Variants in FAM168A observed in about 807,000 individuals in gnomAD.
FAM168A encodes the protein family with sequence similarity 168 member A, also known as protein FAM168A.
In FAM168A, 3 loss-of-function variants were observed where a neutral mutation model predicts 28.5. That is an observed-to-expected ratio of 0.11 (90% CI 0.05 to 0.27). FAM168A has a LOEUF of 0.27. FAM168A is among the 10% of genes least tolerant of loss of function. The pLI is 1.00. For synonymous variants in FAM168A, 122 were observed against 124.2 expected, an observed-to-expected ratio of 0.98 and a Z score of 0.12; for missense variants, 222 against 311.5, an observed-to-expected ratio of 0.71 and a Z score of 2.16.
intron 2 of FAM168A, among the ~76,000 whole-genome samples, chr11:73,453,640 AC>A (rs1219482353): frequency 1.3e-5 from 2 of 152,300 alleles, no homozygotes; most frequent in Non-Finnish European, 2.9e-5. Context: ...TATTATTCCT[AC>A]CTTTATAGGA....
At chr11:73,421,905 A>ATATG (rs1038752759) in intron 3 of FAM168A, among the ~76,000 whole-genome samples, 3 of 152,234 alleles carry the variant, frequency 2.0e-5, no homozygotes, top group Non-Finnish European at 2.9e-5. Flanking sequence ...CAAGTGGTAT[A>ATATG]TACTTTACCA....
At chr11:73,441,741 TTC>T (rs1459180163) in intron 2 of FAM168A, among the ~76,000 whole-genome samples, 2 of 152,228 alleles carry the variant, frequency 1.3e-5, no homozygotes, top group African/African-American at 2.4e-5. Flanking sequence ...TGTTGGCAGT[TTC>T]TTTCTTTCTA....
chr11:73,506,981 T>TA (rs1855128156), intron 1 of FAM168A, among the ~76,000 whole-genome samples: 1 of 152,202 alleles, frequency 6.6e-6, no homozygotes, highest in Admixed American at 6.5e-5. Flanking sequence ...TGTAGGTTTT[T>TA]AAAAAATCAC....
At chr11:73,482,474 G>A (rs995016052) in intron 1 of FAM168A, among the ~76,000 whole-genome samples, 1 of 151,700 alleles carries the variant, frequency 6.6e-6, no homozygotes, top group Non-Finnish European at 1.5e-5. Context: ...AGTCTTCCTG[G>A]GTATTTTAGA....
intron 2 of FAM168A, among the ~76,000 whole-genome samples, chr11:73,462,295 C>T (rs1013633375): frequency 6.6e-6 from 1 of 152,174 alleles, no homozygotes; most frequent in Non-Finnish European, 1.5e-5. Flanking sequence ...GAAATCCTGA[C>T]ACACGGATGA....
intron 1 of FAM168A, among the ~76,000 whole-genome samples, chr11:73,486,381 C>G (rs1290975567): frequency 6.6e-6 from 1 of 152,172 alleles, no homozygotes; most frequent in Non-Finnish European, 1.5e-5. Flanking sequence ...TCTTCCTACC[C>G]AGTCCCTGAT....
At chr11:73,588,760 C>G (rs1223432395) in intron 1 of FAM168A, among the ~76,000 whole-genome samples, 3 of 152,128 alleles carry the variant, frequency 2.0e-5, no homozygotes, top group Admixed American at 2.0e-4. Context: ...AATTGAAGCC[C>G]TATTCCTCAA....
rs1364698997 is a variant in FAM168A, at chr11:73,420,815, CAA to C, written c.152-818_152-817del. On this transcript the variant is annotated intron_variant, in intron 3 of 7. Coordinates refer to ENST00000356467, the MANE Select transcript of FAM168A (RefSeq NM_015159.3). The stretch of plus-strand genomic sequence containing the variant: ...TCTGCAAAGACTTCCCAGGCTGACT[CAA>C]AGCTCAGCTCGAGACATCTGAAGGA... 4.6e-5 allele frequency: 7 copies of C among 152,628 alleles called. No individual in the cohort carries two copies. The East Asian group carries it at 1.4e-3, about 29-fold the overall frequency. The allele number at this position is 152,628 out of a possible 1,614,324, so 9.5% of individuals were successfully genotyped here. A position where few individuals can be genotyped will look rare whatever the true frequency, so the allele number is the denominator to read the frequency against.
intron 2 of FAM168A, among the ~76,000 whole-genome samples, chr11:73,464,613 A>G (rs1867705052): frequency 6.6e-6 from 1 of 152,234 alleles, no homozygotes; most frequent in Non-Finnish European, 1.5e-5. Context: ...TAGAGAGACA[A>G]TGAATACACA....
rs772530179 is a variant in FAM168A, at chr11:73,529,796, C to CTTTTTTTTTTTTT, written c.-18-61317_-18-61305dup. On this transcript the variant is annotated intron_variant, in intron 1 of 7. Transcript: ENST00000356467. ...TCCTTCATTCAAACAACTTTTTCTTCTTTTTTTTTTTTTTTTGGAGACGCA... is the reference window on the plus strand; with the variant it reads ...TCCTTCATTCAAACAACTTTTTCTTCTTTTTTTTTTTTTTTTTTTTTTTTTTTTTGGAGACGCA... 6.1e-3 allele frequency among the ~76,000 whole-genome samples: 779 copies of CTTTTTTTTTTTTT among 127,370 alleles called. 41 individuals carry two copies. The highest frequency in any genetic ancestry group is 0.018 in the African/African-American group (542 of 29,592). 83.6% of individuals were successfully genotyped at this position (127,370 alleles called of 152,430 possible).
intron 1 of FAM168A, among the ~76,000 whole-genome samples, chr11:73,485,824 T>C (rs1458382191): frequency 6.6e-6 from 1 of 151,412 alleles, no homozygotes; most frequent in Non-Finnish European, 1.5e-5. Flanking sequence ...AGCAGCAAAG[T>C]CAGTAGCTAC....
At chr11:73,455,157 C>T (rs1322942626) in intron 2 of FAM168A, among the ~76,000 whole-genome samples, 1 of 152,192 alleles carries the variant, frequency 6.6e-6, no homozygotes, top group Admixed American at 6.5e-5. Flanking sequence ...CCTTGGGGCC[C>T]GCACAGAGTT....
chr11:73,552,281 G>A (rs1253262342), intron 1 of FAM168A, among the ~76,000 whole-genome samples: 1 of 152,160 alleles, frequency 6.6e-6, no homozygotes, highest in Non-Finnish European at 1.5e-5. Context: ...TAACCTTGAA[G>A]AGCTGTGGGG....
At chr11:73,479,647 C>T (rs1867941169) in intron 1 of FAM168A, among the ~76,000 whole-genome samples, 1 of 152,078 alleles carries the variant, frequency 6.6e-6, no homozygotes, top group African/African-American at 2.4e-5. Flanking sequence ...ATTTTATGAT[C>T]CCACAGCTCT....
rs1348510492 is a variant in FAM168A at position 73,459,342 on chromosome 11, C to T, written c.70+9063G>A. On this transcript the variant is annotated intron_variant, in intron 2 of 7. Transcript: ENST00000356467. ...CTACTGAAAATACAAAAAAATTAGC[C>T]GGGCGTGGTGGCATGCGCCTATAGT... 6.6e-5 allele frequency among the ~76,000 whole-genome samples: 10 copies of T among 151,610 alleles called. 1 individual carries two copies. Among genetic ancestry groups the T allele is most frequent in the East Asian group, 5.8e-4 (3 of 5,136 alleles).
At chr11:73,479,323 T>G (rs1171076826) in intron 1 of FAM168A, among the ~76,000 whole-genome samples, 1 of 152,198 alleles carries the variant, frequency 6.6e-6, no homozygotes, top group Non-Finnish European at 1.5e-5. Context: ...TATTTTTTAT[T>G]ACTGTTATAT....
At chr11:73,454,006 T>C (rs1029458724) in intron 2 of FAM168A, among the ~76,000 whole-genome samples, 2 of 152,242 alleles carry the variant, frequency 1.3e-5, no homozygotes, top group African/African-American at 2.4e-5. Flanking sequence ...AGGATACTTA[T>C]GGACAGGCTG....
intron 1 of FAM168A, among the ~76,000 whole-genome samples, chr11:73,500,896 A>G (rs1156716039): frequency 2.0e-5 from 3 of 152,152 alleles, no homozygotes; most frequent in African/African-American, 4.8e-5. Context: ...AGACTGGCCA[A>G]TTGGGTAAGG....
At chr11:73,587,160 A>G (rs1231223918) in intron 1 of FAM168A, among the ~76,000 whole-genome samples, 1 of 142,860 alleles carries the variant, frequency 7.0e-6, no homozygotes, top group South Asian at 2.1e-4. Context: ...GTTAAAAAAA[A>G]AAAAAAAAAA....
Sources: allele counts gnomAD v4.1 joint callset (sites outside exome capture counted in the v4.1 genomes callset), GRCh38; gene constraint gnomAD v4.1.1; transcripts MANE v1.5; gene names NCBI Gene and HGNC (gene_info 2026-07-23, HGNC 2026-07-21).